TUT4: variants seen among roughly 807,000 people sequenced by gnomAD.
TUT4 encodes the protein terminal uridylyltransferase 4.
TUT4 carries 36 observed loss-of-function variants against 192.2 expected under a neutral mutation model. The observed-to-expected ratio is 0.19, with a 90% CI of 0.14 to 0.25. The LOEUF (loss-of-function observed/expected upper bound fraction) is 0.25. Ranked by LOEUF, TUT4 falls within the 10% of genes least tolerant of loss-of-function variation. The probability of loss-of-function intolerance (pLI) is 1.00; values close to 1 mark genes in which losing one functional copy is unlikely to be tolerated. For synonymous variants in TUT4, 618 were observed against 666.0 expected, an observed-to-expected ratio of 0.93 and a Z score of 1.11; for missense variants, 1,493 against 1,957.2, an observed-to-expected ratio of 0.76 and a Z score of 4.47.
intron 1 of TUT4, among the ~76,000 whole-genome samples, chr1:52,541,860 C>T (rs894612874): frequency 6.6e-6 from 1 of 152,082 alleles, no homozygotes; most frequent in Non-Finnish European, 1.5e-5. Context: ...AGTATACACC[C>T]AAATAACCAA....
At chr1:52,501,444 G>A (rs369334021) in intron 4 of TUT4, among the ~76,000 whole-genome samples, 1 of 151,340 alleles carries the variant, frequency 6.6e-6, no homozygotes, top group Non-Finnish European at 1.5e-5. Context: ...ATGGGGGGGC[G>A]GGGGGAGGCA....
intron 1 of TUT4, among the ~76,000 whole-genome samples, chr1:52,527,577 T>A (rs931602080): frequency 4.0e-5 from 6 of 151,614 alleles, no homozygotes; most frequent in African/African-American, 1.5e-4. Context: ...AAAAAGGAAC[T>A]TAAGAGTTTA....
chr1:52,514,069 T>C (rs777523922), intron 3 of TUT4, among the ~76,000 whole-genome samples: 6 of 152,170 alleles, frequency 3.9e-5, no homozygotes, highest in Non-Finnish European at 7.3e-5. Context: ...GTGATAGAGA[T>C]TTATCCAAGG....
intron 24 of TUT4, among the ~76,000 whole-genome samples, chr1:52,444,534 A>T (rs929271436): frequency 2.0e-5 from 3 of 151,840 alleles, no homozygotes; most frequent in African/African-American, 7.3e-5. Context: ...ACTGAATGTC[A>T]ATTTCATTGG....
intron 18 of TUT4, 100 bp downstream of exon 18, chr1:52,461,413 T>C: frequency 7.8e-7 from 1 of 1,280,402 alleles, no homozygotes; most frequent in Non-Finnish European, 1.1e-6. Context: ...AAATACTTTT[T>C]CCTTATACTG....
chr1:52,429,430 C>CA (rs1651249627), intron 28 of TUT4, among the ~76,000 whole-genome samples: 1 of 151,326 alleles, frequency 6.6e-6, no homozygotes, highest in Non-Finnish European at 1.5e-5. Flanking sequence ...CCTGTAGTCC[C>CA]ACAGCTACTC....
chr1:52,475,371 T>C lies in TUT4; in HGVS notation c.2188A>G (p.Ile730Val), dbSNP rs1666814863. Reference sequence around the variant, plus strand: ...GACTTGACTGGTTTCTTATTGCTTATTTTCCCCTTCTCTCTTTTCTTGAAA... The same window carrying C: ...GACTTGACTGGTTTCTTATTGCTTACTTTCCCCTTCTCTCTTTTCTTGAAA... ...VDFKKREKGK[I>V]SNKKPVKSNN... The change falls in exon 13 of 30, where the codon ATA becomes GTA. Residue 730 changes from isoleucine to valine, a missense_variant. This residue lies in a region of TUT4 where 245 missense variants were observed against 218.4 expected (regional missense o/e 1.12). Coordinates refer to ENST00000257177, the MANE Select transcript of TUT4 (RefSeq NM_001009881.3). 2 of 1,614,168 alleles carry C rather than the reference T, an allele frequency of 1.2e-6. No individual in the cohort carries two copies. Among genetic ancestry groups the C allele is most frequent in the Non-Finnish European group, 1.7e-6 (2 of 1,180,032 alleles).
chr1:52,446,573 GA>G lies in TUT4; in HGVS notation c.3513+16del. ...ATCAGTGAGCATTCTAGAACATAAA[GA>G]CTATTTTAAAATTACCAGTTCTTCT... is the stretch of plus-strand genomic sequence containing the variant. On this transcript the variant is annotated intron_variant, in intron 21 of 29. Coordinates refer to ENST00000257177, the MANE Select transcript of TUT4 (RefSeq NM_001009881.3). 6.3e-7 allele frequency: 1 copy of G among 1,589,318 alleles called. No homozygotes were observed. Among genetic ancestry groups the G allele is most frequent in the Non-Finnish European group, 8.6e-7 (1 of 1,168,138 alleles).
chr1:52,522,135 T>C (rs952076977), intron 2 of TUT4, among the ~76,000 whole-genome samples: 1 of 152,170 alleles, frequency 6.6e-6, no homozygotes, highest in African/African-American at 2.4e-5. Flanking sequence ...GCTAATACTA[T>C]ACATATCATA....
chr1:52,468,136 A>C, intron 15 of TUT4, 45 bp downstream of exon 15: 1 of 1,401,476 alleles, frequency 7.1e-7, no homozygotes, highest in Non-Finnish European at 1.0e-6. Flanking sequence ...TCAAGACTAC[A>C]TGACTACAGC....
intron 7 of TUT4, among the ~76,000 whole-genome samples, chr1:52,491,857 T>C (rs927306428): frequency 3.9e-5 from 6 of 152,120 alleles, no homozygotes; most frequent in African/African-American, 1.4e-4. Context: ...AATATGACAA[T>C]GAGTAAAACA....
rs373955382 is a variant in TUT4 at position 52,486,512 on chromosome 1, G to A, written c.1515+2397C>T. ...GAACCCCCAAATCATGGAAAAATGCGTGCTTAACTAGATAATGTACAATAT... is the reference window on the plus strand; with the variant it reads ...GAACCCCCAAATCATGGAAAAATGCATGCTTAACTAGATAATGTACAATAT... On this transcript the variant is annotated intron_variant, in intron 9 of 29. Transcript: ENST00000257177. 3.9e-5 allele frequency among the ~76,000 whole-genome samples: 6 copies of A among 151,950 alleles called. No homozygotes were observed. The East Asian group carries it at 5.8e-4, about 15-fold the overall frequency.
chr1:52,465,874 CTT>C (rs879416499), intron 15 of TUT4, among the ~76,000 whole-genome samples: 2 of 145,696 alleles, frequency 1.4e-5, no homozygotes. Context: ...CTTCCTATTA[CTT>C]TTTTTTTTTT....
intron 9 of TUT4, among the ~76,000 whole-genome samples, chr1:52,483,009 A>G (rs1416756381): frequency 4.6e-5 from 7 of 152,188 alleles, no homozygotes; most frequent in African/African-American, 1.7e-4. Flanking sequence ...AAAAATTCGT[A>G]TTTTCCACTA....
intron 1 of TUT4, among the ~76,000 whole-genome samples, chr1:52,545,204 C>T (rs747851608): frequency 5.3e-5 from 8 of 151,754 alleles, no homozygotes; most frequent in Non-Finnish European, 1.2e-4. Context: ...GGTGAAATTC[C>T]GTCTCTACTA....
At chr1:52,451,719 T>G (rs886488018) in intron 20 of TUT4, among the ~76,000 whole-genome samples, 6 of 151,818 alleles carry the variant, frequency 4.0e-5, no homozygotes, top group African/African-American at 1.5e-4. Flanking sequence ...GGCGGGCACC[T>G]GTAATCCCAG....
At chr1:52,428,829 C>T (rs1215707997) in intron 28 of TUT4, among the ~76,000 whole-genome samples, 4 of 151,824 alleles carry the variant, frequency 2.6e-5, no homozygotes, top group Non-Finnish European at 5.9e-5. Context: ...AAAAACTGAA[C>T]AAGGACTGGG....
chr1:52,528,708 A>ACATCTCTAT (rs1682532010), intron 1 of TUT4, among the ~76,000 whole-genome samples: 1 of 152,100 alleles, frequency 6.6e-6, no homozygotes, highest in South Asian at 2.1e-4. Flanking sequence ...ATTTAGGTAA[A>ACATCTCTAT]CATCTCTATC....
chr1:52,462,445 CAA>C (rs1045828482), intron 16 of TUT4: 1 of 152,980 alleles, frequency 6.5e-6, no homozygotes, highest in Non-Finnish European at 1.5e-5. Context: ...CTCAGCCTCC[CAA>C]AGTGCTGGGA....
Sources: allele counts gnomAD v4.1 joint callset (sites outside exome capture counted in the v4.1 genomes callset), GRCh38; gene constraint gnomAD v4.1.1; regional missense constraint gnomAD v4.1.1; transcripts MANE v1.5; gene names NCBI Gene and HGNC (gene_info 2026-07-23, HGNC 2026-07-21).